Variants in ANKRD11 observed in about 807,000 individuals in gnomAD.
ANKRD11 encodes the protein ankyrin repeat domain-containing protein 11.
In ANKRD11, 17 loss-of-function variants were observed where a neutral mutation model predicts 195.7. That is an observed-to-expected ratio of 0.09 (90% confidence interval 0.06 to 0.13). The LOEUF (loss-of-function observed/expected upper bound fraction) is 0.13, where lower values mean the gene tolerates loss of function less well. Ranked by LOEUF, ANKRD11 falls within the 10% of genes least tolerant of loss-of-function variation. The pLI is 1.00. For missense variants in ANKRD11, 3,735 were observed against 3,566.1 expected, an observed-to-expected ratio of 1.05 and a Z score of -1.21; for synonymous variants, 1,953 against 1,528.1, an observed-to-expected ratio of 1.28 and a Z score of -6.49.
At chr16:89,301,819 G>A (rs1330691365) in intron 4 of ANKRD11, among the ~76,000 whole-genome samples, 1 of 152,204 alleles carries the variant, frequency 6.6e-6, no homozygotes, top group African/African-American at 2.4e-5. Flanking sequence ...CACCGCAGAG[G>A]CCACATCTCC....
chr16:89,440,325 C>T (rs2043393416), intron 1 of ANKRD11, among the ~76,000 whole-genome samples: 1 of 152,306 alleles, frequency 6.6e-6, no homozygotes, highest in East Asian at 1.9e-4. Context: ...GAAAATGTCT[C>T]GGTCCAGCGT....
rs543586767 is a variant in ANKRD11 at position 89,286,273 on chromosome 16, A to C, written c.745-87T>G. 478 of 1,573,358 alleles carry C rather than the reference A, an allele frequency of 3.0e-4. 7 individuals carry two copies. The South Asian group carries it at 5.1e-3, about 17-fold the overall frequency. ...GCATAACACGGCAGCCCCTTCCGAG[A>C]ACCCTGGGGTTCGACCCGAGAGCAG... On this transcript the variant is annotated intron_variant, in intron 7 of 12. Coordinates refer to ENST00000301030, the MANE Select transcript of ANKRD11 (RefSeq NM_013275.6).
At chr16:89,337,710 G>A (rs997653551) in intron 2 of ANKRD11, among the ~76,000 whole-genome samples, 9 of 152,102 alleles carry the variant, frequency 5.9e-5, no homozygotes, top group Admixed American at 5.2e-4. Context: ...AAAGTGCTGG[G>A]ATTACAGGCG....
At chr16:89,391,419 C>T (rs2041194260) in intron 2 of ANKRD11, among the ~76,000 whole-genome samples, 1 of 152,112 alleles carries the variant, frequency 6.6e-6, no homozygotes, top group Non-Finnish European at 1.5e-5. Context: ...AGTGTCCAGG[C>T]TGCACGGGAT....
At chr16:89,390,118 G>A (rs2041117586) in intron 2 of ANKRD11, among the ~76,000 whole-genome samples, 2 of 63,452 alleles carry the variant, frequency 3.2e-5, no homozygotes, top group South Asian at 5.1e-4. Flanking sequence ...GGCGAACACC[G>A]AGTGTGGCGT....
At chr16:89,359,763 G>A (rs2152054585) in intron 2 of ANKRD11, among the ~76,000 whole-genome samples, 1 of 152,314 alleles carries the variant, frequency 6.6e-6, no homozygotes, top group Non-Finnish European at 1.5e-5. Flanking sequence ...GAAGATGTTT[G>A]CATTTTAGTC....
intron 1 of ANKRD11, among the ~76,000 whole-genome samples, chr16:89,479,460 C>G (rs2057368733): frequency 6.6e-6 from 1 of 150,756 alleles, no homozygotes; most frequent in South Asian, 2.1e-4. Flanking sequence ...CGGAGAAACC[C>G]CATGTCTACT....
At chr16:89,488,778 T>C (rs1163276230) in intron 1 of ANKRD11, among the ~76,000 whole-genome samples, 2 of 152,200 alleles carry the variant, frequency 1.3e-5, no homozygotes, top group Admixed American at 1.3e-4. Flanking sequence ...CTTTTATTTC[T>C]CATTTCAAGT....
At chr16:89,478,891 G>C (rs1407138278) in intron 1 of ANKRD11, among the ~76,000 whole-genome samples, 1 of 152,218 alleles carries the variant, frequency 6.6e-6, no homozygotes, top group Non-Finnish European at 1.5e-5. Flanking sequence ...CCTGAACTGA[G>C]CTGTCCTCAC....
At chr16:89,322,988 C>T (rs987018914) in intron 2 of ANKRD11, 3 of 295,234 alleles carry the variant, frequency 1.0e-5, no homozygotes, top group South Asian at 2.8e-5. Flanking sequence ...GGAGTACAGG[C>T]CCGTGGCACC....
At chr16:89,483,875 T>C (rs557791835) in intron 1 of ANKRD11, among the ~76,000 whole-genome samples, 1 of 152,022 alleles carries the variant, frequency 6.6e-6, no homozygotes, top group East Asian at 1.9e-4. Context: ...TATTAAGCTC[T>C]AAAGAACTTC....
intron 4 of ANKRD11, among the ~76,000 whole-genome samples, chr16:89,304,197 C>A (rs1199920181): frequency 6.6e-6 from 1 of 152,226 alleles, no homozygotes; most frequent in East Asian, 1.9e-4. Flanking sequence ...ACAGAATCCA[C>A]TGGGAAGGTG....
Position 89,286,163 on chromosome 16 carries a change from G to A in ANKRD11, c.768C>T (p.Tyr256=), listed in dbSNP as rs758198532. The change falls in exon 8 of 13, where the codon TAC becomes TAT. Residue 256 remains tyrosine (Y), a synonymous_variant. Transcript: ENST00000301030. ...HYKVVKLLLR[Y]GGNPQQSNRK... The stretch of plus-strand genomic sequence containing the variant: ...TGTTGCTCTGCTGCGGGTTCCCTCC[G>A]TACCGCAGCAGCAGCTTCACCACCT... 51 of 1,613,880 alleles carry A rather than the reference G, an allele frequency of 3.2e-5. No homozygotes were observed. The highest frequency in any genetic ancestry group is 4.5e-5 in the East Asian group (2 of 44,884).
intron 1 of ANKRD11, among the ~76,000 whole-genome samples, chr16:89,463,634 C>T (rs945324375): frequency 2.6e-5 from 4 of 151,624 alleles, no homozygotes; most frequent in East Asian, 3.9e-4. Flanking sequence ...CCTGCCAAAT[C>T]CCCCTCTATG....
At chr16:89,331,985 C>CA (rs1162732723) in intron 2 of ANKRD11, among the ~76,000 whole-genome samples, 1 of 151,764 alleles carries the variant, frequency 6.6e-6, no homozygotes, top group East Asian at 1.9e-4. Context: ...ACAAAACATT[C>CA]AAAAAAAATT....
chr16:89,480,277 C>G (rs967255771), intron 1 of ANKRD11, among the ~76,000 whole-genome samples: 6 of 151,852 alleles, frequency 4.0e-5, no homozygotes, highest in African/African-American at 1.5e-4. Flanking sequence ...GAGATTGAGA[C>G]CATTCTGGCT....
rs1436063858 is a variant in ANKRD11, at chr16:89,285,111, G to A, written c.1431C>T (p.Cys477=). 2.5e-6 allele frequency: 4 copies of A among 1,613,720 alleles called. No individual in the cohort carries two copies. The highest frequency in any genetic ancestry group is 3.4e-6 in the Non-Finnish European group (4 of 1,180,020). Residue 477 remains cysteine (C), a synonymous_variant, in exon 9 of 13, where the codon TGC becomes TGT. Coordinates refer to ENST00000301030, the MANE Select transcript of ANKRD11 (RefSeq NM_013275.6). The surrounding 1 kb of genome is among the most constrained non-coding windows in gnomAD (Gnocchi z 5.6). The stretch of plus-strand genomic sequence containing the variant: ...AGGACTCGCTCTCCGACTCCGAGGA[G>A]CAGAACTTGTCGCTCCGCTTTCCGA... ...VRFGKRSDKF[C]SSESESESSE...
At chr16:89,403,725 T>A (rs897744736) in intron 2 of ANKRD11, 5 of 152,158 alleles carry the variant, frequency 3.3e-5, no homozygotes, top group African/African-American at 1.2e-4. Context: ...AGGCCATAAG[T>A]TTGAGGCCAA....
chr16:89,316,861 G>A, intron 3 of ANKRD11, 72 bp downstream of exon 3: 3 of 1,547,514 alleles, frequency 1.9e-6, no homozygotes, highest in Non-Finnish European at 2.6e-6. Context: ...CCACAGGCGG[G>A]CAGCACCCCA....
Sources: gnomAD v4.1 joint callset for allele counts (sites outside exome capture counted in the v4.1 genomes callset) on GRCh38, gnomAD v4.1.1 for gene constraint, Gnocchi (gnomAD v3.1) non-coding constraint, MANE v1.5 for transcripts, NCBI Gene and HGNC (gene_info 2026-07-23, HGNC 2026-07-21) for gene names.